PPARGC1A: variants seen among roughly 807,000 people sequenced by gnomAD.
The protein encoded by PPARGC1A is PPARG coactivator 1 alpha, also known as peroxisome proliferator-activated receptor gamma coactivator 1-alpha.
A neutral mutation model predicts 88.7 loss-of-function variants in PPARGC1A; 25 were observed. The observed-to-expected ratio is 0.28, with a 90% CI of 0.21 to 0.39. The LOEUF (loss-of-function observed/expected upper bound fraction) is 0.39. Among genes scored for constraint, PPARGC1A ranks in the 10% least tolerant of loss-of-function variants. PPARGC1A has a pLI of 1.00. For synonymous variants in PPARGC1A, 363 were observed against 355.6 expected, an observed-to-expected ratio of 1.02 and a Z score of -0.24; for missense variants, 880 against 968.7, an observed-to-expected ratio of 0.91 and a Z score of 1.22.
the PPARGC1A span, among the ~76,000 whole-genome samples, chr4:24,256,265 C>T: frequency 4.6e-5 from 7 of 152,144 alleles, no homozygotes; most frequent in African/African-American, 7.2e-5. Flanking sequence ...ACATGGAAAG[C>T]ACTCTGTTGC....
the PPARGC1A span, among the ~76,000 whole-genome samples, chr4:24,080,023 C>T: frequency 5.9e-4 from 89 of 152,072 alleles, 1 homozygote; most frequent in African/African-American, 1.9e-3. Context: ...TTTTAACTCT[C>T]TCATTATATT....
chr4:24,308,724 A>G, the PPARGC1A span, among the ~76,000 whole-genome samples: 1 of 152,150 alleles, frequency 6.6e-6, no homozygotes, highest in African/African-American at 2.4e-5. Flanking sequence ...GTTGTGCATA[A>G]GACTTCATTT....
chr4:23,917,777 C>T, the PPARGC1A span, among the ~76,000 whole-genome samples: 1 of 152,116 alleles, frequency 6.6e-6, no homozygotes, highest in Non-Finnish European at 1.5e-5. Context: ...ATTAGTAGTG[C>T]CAATGTATTC....
the PPARGC1A span, among the ~76,000 whole-genome samples, chr4:24,068,023 T>C: frequency 6.6e-6 from 1 of 152,340 alleles, no homozygotes; most frequent in South Asian, 2.1e-4. Flanking sequence ...TGTGTGCATG[T>C]GTGTGGTCTG....
intron 5 of PPARGC1A, among the ~76,000 whole-genome samples, chr4:23,828,179 T>C (rs1406225610): frequency 6.6e-6 from 1 of 152,164 alleles, no homozygotes; most frequent in African/African-American, 2.4e-5. Flanking sequence ...CAGGAGTCTT[T>C]TGGTGCTTGT....
the PPARGC1A span, among the ~76,000 whole-genome samples, chr4:24,229,345 C>T: frequency 2.0e-5 from 3 of 148,172 alleles, no homozygotes; most frequent in African/African-American, 4.9e-5. Flanking sequence ...GACGGGGTTT[C>T]ACCATGTTGG....
chr4:24,468,951 C>G, the PPARGC1A span, among the ~76,000 whole-genome samples: 1 of 148,894 alleles, frequency 6.7e-6, no homozygotes, highest in African/African-American at 2.5e-5. Context: ...GAGAGCACAT[C>G]ATATTGATCT....
chr4:24,026,100 G>T, the PPARGC1A span, among the ~76,000 whole-genome samples: 2 of 152,060 alleles, frequency 1.3e-5, no homozygotes, highest in South Asian at 4.1e-4. Context: ...AAGAAAACTG[G>T]CTTCTTTAGA....
the PPARGC1A span, among the ~76,000 whole-genome samples, chr4:24,094,100 G>A: frequency 5.9e-5 from 9 of 152,166 alleles, no homozygotes; most frequent in South Asian, 1.0e-3. Flanking sequence ...TCTCTATTGC[G>A]GTGACTGCAG....
intron 1 of PPARGC1A, among the ~76,000 whole-genome samples, chr4:23,888,275 T>A (rs956425538): frequency 1.4e-4 from 21 of 152,288 alleles, no homozygotes; most frequent in African/African-American, 5.1e-4. Context: ...CCTTTCCTCC[T>A]TAAGAAAAAA....
chr4:24,215,953 A>G, the PPARGC1A span, among the ~76,000 whole-genome samples: 1 of 152,188 alleles, frequency 6.6e-6, no homozygotes, highest in Non-Finnish European at 1.5e-5. Flanking sequence ...TGTTCTAGGC[A>G]TGGAGCTAGG....
the PPARGC1A span, among the ~76,000 whole-genome samples, chr4:24,322,416 G>C: frequency 3.8e-3 from 579 of 152,288 alleles, 6 homozygotes; most frequent in African/African-American, 0.013. Flanking sequence ...CAACCCTGAT[G>C]GTTCATCTGG....
chr4:24,424,427 C>T, the PPARGC1A span, among the ~76,000 whole-genome samples: 5 of 152,024 alleles, frequency 3.3e-5, no homozygotes, highest in Admixed American at 6.5e-5. Flanking sequence ...AGGCGCCCGC[C>T]ACCATGCCCG....
chr4:24,289,440 G>C, the PPARGC1A span, among the ~76,000 whole-genome samples: 1 of 152,170 alleles, frequency 6.6e-6, no homozygotes. Flanking sequence ...CCAACCCTCT[G>C]GGACATTTCT....
the PPARGC1A span, among the ~76,000 whole-genome samples, chr4:24,285,459 T>C: frequency 1.3e-5 from 2 of 152,172 alleles, no homozygotes; most frequent in Admixed American, 6.6e-5. Context: ...GCCTTCAAGA[T>C]TCTGCCAAAC....
chr4:24,143,727 C>T, the PPARGC1A span, among the ~76,000 whole-genome samples: 1 of 152,132 alleles, frequency 6.6e-6, no homozygotes, highest in Non-Finnish European at 1.5e-5. Context: ...ATTTATCGGA[C>T]ATATATGCAA....
chr4:24,445,966 T>A, the PPARGC1A span, among the ~76,000 whole-genome samples: 6 of 151,758 alleles, frequency 4.0e-5, no homozygotes, highest in Non-Finnish European at 5.9e-5. Flanking sequence ...CTTGGGAGGG[T>A]GAGGCAGGAG....
At chr4:24,173,270 A>T in the PPARGC1A span, among the ~76,000 whole-genome samples, 1 of 151,922 alleles carries the variant, frequency 6.6e-6, no homozygotes, top group Non-Finnish European at 1.5e-5. Flanking sequence ...TGGAGGTGAA[A>T]TATCCATATT....
At chr4:24,323,514 ACCCCTG>A in the PPARGC1A span, among the ~76,000 whole-genome samples, 7 of 151,860 alleles carry the variant, frequency 4.6e-5, no homozygotes, top group Non-Finnish European at 7.4e-5. Context: ...GCACCTTGTG[ACCCCTG>A]CCCCTGCCCA....
Sources: gnomAD v4.1 joint callset for allele counts (sites outside exome capture counted in the v4.1 genomes callset) on GRCh38, gnomAD v4.1.1 for gene constraint, MANE v1.5 for transcripts, NCBI Gene and HGNC (gene_info 2026-07-23, HGNC 2026-07-21) for gene names.